The following TM4SF19 variants were observed in gnomAD, a reference collection of about 807,000 sequenced individuals.
TM4SF19 encodes the protein transmembrane 4 L six family member 19.
In TM4SF19, 17 loss-of-function variants were observed where a neutral mutation model predicts 21.8. That is an observed-to-expected ratio of 0.78 (90% CI 0.53 to 1.17). The LOEUF (loss-of-function observed/expected upper bound fraction) is 1.17. Among genes scored for constraint, TM4SF19 ranks in the 50% most tolerant of loss-of-function variants. TM4SF19 has a pLI of 0.00. For missense variants in TM4SF19, 216 were observed against 252.1 expected, an observed-to-expected ratio of 0.86 and a Z score of 0.97; for synonymous variants, 107 against 106.7, an observed-to-expected ratio of 1.00 and a Z score of -0.02.
At chr3:196,331,903 C>T (rs534331918) in intron 1 of TM4SF19, among the ~76,000 whole-genome samples, 12 of 152,170 alleles carry the variant, frequency 7.9e-5, no homozygotes, top group African/African-American at 2.9e-4. Context: ...GGATGACAGG[C>T]GTGAGCCACT....
chr3:196,333,389 G>A (rs774053404), intron 1 of TM4SF19, among the ~76,000 whole-genome samples: 3 of 152,130 alleles, frequency 2.0e-5, no homozygotes, highest in African/African-American at 7.2e-5. Context: ...TAAGAAGTTC[G>A]CAACAATAAT....
At chr3:196,324,554 T>C in intron 3 of TM4SF19, 114 bp from the exon 4 acceptor site, 1 of 1,004,776 alleles carries the variant, frequency 1.0e-6, no homozygotes, top group Non-Finnish European at 1.5e-6. Context: ...TGTGGGGCGG[T>C]CTGCACAGGT....
At chr3:196,327,075 G>T in intron 2 of TM4SF19, 43 bp from the exon 3 acceptor site, 1 of 1,540,950 alleles carries the variant, frequency 6.5e-7, no homozygotes, top group Non-Finnish European at 9.0e-7. Flanking sequence ...AATCGACTTT[G>T]CCGGCTGTTT....
In TM4SF19 at chr3:196,324,424, AAC is replaced by A; in HGVS notation, c.294_295del (p.Leu99ValfsTer29). On this transcript the variant is annotated frameshift_variant, in exon 4 of 5. Coordinates refer to ENST00000273695, the MANE Select transcript of TM4SF19 (RefSeq NM_138461.4). LOFTEE classifies it high-confidence loss of function. Reference sequence around the variant, plus strand: ...TCCAAGTAAAGCCAGGCCACCTGACAACAGAGCAGTAAGCACCTGCGGAGGGA... The same window carrying A: ...TCCAAGTAAAGCCAGGCCACCTGACAAGAGCAGTAAGCACCTGCGGAGGGA... The A allele has an allele frequency of 6.2e-7, 1 of 1,614,176 alleles. No individual in the cohort carries two copies. The highest frequency in any genetic ancestry group is 1.3e-5 in the African/African-American group (1 of 75,042).
At chr3:196,330,874 A>G (rs1727478676) in intron 1 of TM4SF19, among the ~76,000 whole-genome samples, 1 of 152,252 alleles carries the variant, frequency 6.6e-6, no homozygotes, top group South Asian at 2.1e-4. Context: ...AAAGCTAATT[A>G]CAATTAAAAT....
At chr3:196,328,174 CCT>C (rs1379145619) in intron 1 of TM4SF19, among the ~76,000 whole-genome samples, 1 of 152,020 alleles carries the variant, frequency 6.6e-6, no homozygotes, top group African/African-American at 2.4e-5. Flanking sequence ...GTGGTGGGTG[CCT>C]GTAATCCCAG....
chr3:196,335,916 C>T lies in TM4SF19; in HGVS notation c.-2+2348G>A, dbSNP rs1727739081. 3.9e-5 allele frequency among the ~76,000 whole-genome samples: 6 copies of T among 152,156 alleles called. No individual in the cohort carries two copies. The South Asian group carries it at 1.2e-3, about 32-fold the overall frequency. ...TGCCCACCCAGATGTCTGACCGGGG[C>T]CCAAGGAAAGATGGGTGTGTGGTTG... On this transcript the variant is annotated intron_variant, in intron 1 of 4. Transcript: ENST00000273695.
At chr3:196,331,165 A>G (rs1029460005) in intron 1 of TM4SF19, among the ~76,000 whole-genome samples, 2 of 151,834 alleles carry the variant, frequency 1.3e-5, no homozygotes, top group African/African-American at 4.8e-5. Flanking sequence ...AATCCCAGCT[A>G]CTCGGGTGGC....
intron 3 of TM4SF19, 86 bp from the exon 4 acceptor site, chr3:196,324,526 G>C: frequency 6.9e-7 from 1 of 1,458,604 alleles, no homozygotes; most frequent in Non-Finnish European, 9.5e-7. Flanking sequence ...GCTAAGACGG[G>C]GTCGCAGCTG....
chr3:196,333,430 G>A (rs1182061939), intron 1 of TM4SF19, among the ~76,000 whole-genome samples: 1 of 152,186 alleles, frequency 6.6e-6, no homozygotes, highest in African/African-American at 2.4e-5. Context: ...ACAACATACT[G>A]TAATGAAAGT....
rs1358019157 is a variant in TM4SF19, at chr3:196,327,405, C to T, written c.186G>A (p.Trp62Ter). The change falls in exon 2 of 5, where the codon TGG becomes TGA. Residue 62 changes from tryptophan to a stop codon, truncating the protein, a stop_gained. Coordinates refer to ENST00000273695, the MANE Select transcript of TM4SF19 (RefSeq NM_138461.4). LOFTEE classifies it high-confidence loss of function. ...GRHAMLGTGL[W>*]GGGLMVLTAA... Reference sequence around the variant, plus strand: ...GGACACTTACCATGAGGCCTCCTCCCCAGAGCCCAGTTCCCAGCATGGCAT... The same window carrying T: ...GGACACTTACCATGAGGCCTCCTCCTCAGAGCCCAGTTCCCAGCATGGCAT... The T allele has an allele frequency of 1.2e-6, 2 of 1,614,062 alleles. No homozygotes were observed. The highest frequency in any genetic ancestry group is 1.7e-5 in the Admixed American group (1 of 60,008).
chr3:196,325,992 TG>T lies in TM4SF19; in HGVS notation c.279+962del, dbSNP rs1191320643. 1.3e-5 allele frequency among the ~76,000 whole-genome samples: 2 copies of T among 151,930 alleles called. No homozygotes were observed. Among genetic ancestry groups the T allele is most frequent in the Non-Finnish European group, 2.9e-5 (2 of 68,036 alleles). On this transcript the variant is annotated intron_variant, in intron 3 of 4. Transcript: ENST00000273695. This position sits in a 1 kb window ranked among gnomAD's most constrained non-coding sequence, Gnocchi z 4.3. ...TATGTACTTATTTATTTATTTATTT[TG>T]AAACGGAGTCTCGCTCTGTCGCCCA...
intron 1 of TM4SF19, among the ~76,000 whole-genome samples, chr3:196,331,580 G>A (rs549222773): frequency 6.6e-6 from 1 of 150,710 alleles, no homozygotes; most frequent in East Asian, 1.9e-4. Flanking sequence ...CTGAGGTCAG[G>A]AGTTCAAGAC....
At chr3:196,334,664 G>T (rs1727652719) in intron 1 of TM4SF19, among the ~76,000 whole-genome samples, 1 of 151,984 alleles carries the variant, frequency 6.6e-6, no homozygotes, top group African/African-American at 2.4e-5. Context: ...ATGTTGGCCA[G>T]GCTGGTCTTG....
In TM4SF19 at chr3:196,331,884, A is replaced by G. The variant is rs1013539975; in HGVS notation, c.-1-4293T>C. 3.3e-5 allele frequency among the ~76,000 whole-genome samples: 5 copies of G among 152,024 alleles called. No individual in the cohort carries two copies. The South Asian group carries it at 8.3e-4, about 25-fold the overall frequency. ...AAGGGCCCTCCCACTTCAGACACCT[A>G]AAGTGCTAGGATGACAGGCGTGAGC... On this transcript the variant is annotated intron_variant, in intron 1 of 4. Transcript: ENST00000273695.
rs188456929 is a variant in TM4SF19, at chr3:196,325,998, G to A, written c.279+957C>T. On this transcript the variant is annotated intron_variant, in intron 3 of 4. Transcript: ENST00000273695. The surrounding 1 kb of genome is among the most constrained non-coding windows in gnomAD (Gnocchi z 4.3). ...CTTATTTATTTATTTATTTTGAAACGGAGTCTCGCTCTGTCGCCCAGGCTG... is the reference window on the plus strand; with the variant it reads ...CTTATTTATTTATTTATTTTGAAACAGAGTCTCGCTCTGTCGCCCAGGCTG... Among the ~76,000 whole-genome samples the A allele has an allele frequency of 2.3e-4, 35 of 152,126 alleles. No individual in the cohort carries two copies. The highest frequency in any genetic ancestry group is 4.1e-4 in the Non-Finnish European group (28 of 68,004).
In TM4SF19 at chr3:196,323,574, T is replaced by C. The variant is rs1727152155; in HGVS notation, c.*243A>G. On this transcript the variant is annotated 3_prime_UTR_variant, in exon 5 of 5. Transcript: ENST00000273695. ...TGGCTGGAGGATATTTTATGGACTA[T>C]AAATTCCTAAACAATTATAATAACT... 3 of 785,636 alleles carry C rather than the reference T, an allele frequency of 3.8e-6. No individual in the cohort carries two copies. Among genetic ancestry groups the C allele is most frequent in the African/African-American group, 3.5e-5 (2 of 57,290 alleles). The allele number at this position is 785,636 out of a possible 1,614,324, so 48.7% of individuals were successfully genotyped here. A position where few individuals can be genotyped will look rare whatever the true frequency, so the allele number is the denominator to read the frequency against.
At chr3:196,337,463 C>T (rs556184858) in intron 1 of TM4SF19, among the ~76,000 whole-genome samples, 1 of 152,214 alleles carries the variant, frequency 6.6e-6, no homozygotes, top group African/African-American at 2.4e-5. Context: ...TAGAAAATAC[C>T]TGAACTTGGT....
At chr3:196,333,640 G>A (rs1005001115) in intron 1 of TM4SF19, among the ~76,000 whole-genome samples, 1 of 152,108 alleles carries the variant, frequency 6.6e-6, no homozygotes, top group Non-Finnish European at 1.5e-5. Context: ...CTATCTGTAG[G>A]TACCGCGCTC....
Sources: gnomAD v4.1 joint callset for allele counts (sites outside exome capture counted in the v4.1 genomes callset) on GRCh38, gnomAD v4.1.1 for gene constraint, Gnocchi (gnomAD v3.1) non-coding constraint, MANE v1.5 for transcripts, NCBI Gene and HGNC (gene_info 2026-07-23, HGNC 2026-07-21) for gene names.